Variants in TRRAP observed in about 807,000 individuals in gnomAD.
The protein encoded by TRRAP is transformation/transcription domain-associated protein.
TRRAP carries 41 observed loss-of-function variants against 438.8 expected under a neutral mutation model. The ratio of observed to expected loss-of-function variants is 0.09; its 90% CI spans 0.07 to 0.12. TRRAP has a LOEUF of 0.12. Ranked by LOEUF, TRRAP falls within the 10% of genes least tolerant of loss-of-function variation. The pLI is 1.00. For synonymous variants in TRRAP, 1,994 were observed against 1,962.9 expected, an observed-to-expected ratio of 1.02 and a Z score of -0.42; for missense variants, 3,122 against 5,055.1, an observed-to-expected ratio of 0.62 and a Z score of 11.60.
intron 33 of TRRAP, among the ~76,000 whole-genome samples, chr7:98,946,178 G>A (rs1554416761): frequency 6.6e-6 from 1 of 152,194 alleles, no homozygotes; most frequent in African/African-American, 2.4e-5. Context: ...TTAAGTTCGT[G>A]TGAGAATTGC....
intron 26 of TRRAP, among the ~76,000 whole-genome samples, chr7:98,932,871 C>T (rs1451241604): frequency 2.6e-5 from 4 of 152,112 alleles, no homozygotes; most frequent in African/African-American, 9.7e-5. Context: ...CTAGCTCTAC[C>T]GTTGTGCCTG....
chr7:98,895,735 C>T (rs1554405628), intron 6 of TRRAP, 29 bp from the exon 7 acceptor site: 1 of 1,566,226 alleles, frequency 6.4e-7, no homozygotes, highest in Non-Finnish European at 8.7e-7. Flanking sequence ...TGAATATCTT[C>T]CTATAACGAA....
At chr7:98,981,600 A>T (rs1792921168) in intron 58 of TRRAP, among the ~76,000 whole-genome samples, 169 bp from the exon 59 acceptor site, 1 of 152,214 alleles carries the variant, frequency 6.6e-6, no homozygotes, top group South Asian at 2.1e-4. Flanking sequence ...TCCAGAAAAG[A>T]CTGTGTAAAC....
At chr7:98,971,033 G>A (rs946101402) in intron 52 of TRRAP, among the ~76,000 whole-genome samples, 11 of 152,170 alleles carry the variant, frequency 7.2e-5, no homozygotes, top group African/African-American at 9.7e-5. Flanking sequence ...GGAGCGTTGC[G>A]TCTTAGGAGA....
chr7:98,910,492 A>G lies in TRRAP; in HGVS notation c.1715-18A>G, dbSNP rs782001637. On this transcript the variant is annotated intron_variant, in intron 15 of 72. Coordinates refer to ENST00000456197, the MANE Select transcript of TRRAP (RefSeq NM_001375524.1). The stretch of plus-strand genomic sequence containing the variant: ...TGAGTTTTATTCAAGTTAACTTAAT[A>G]TACTTTCTCTTTTCCAGAAGCTCAG... 1 of 1,613,976 alleles carries G rather than the reference A, an allele frequency of 6.2e-7. No homozygotes were observed. Among genetic ancestry groups the G allele is most frequent in the South Asian group, 1.1e-5 (1 of 91,066 alleles).
chr7:98,998,110 T>C (rs1274828917), intron 67 of TRRAP, among the ~76,000 whole-genome samples: 1 of 152,152 alleles, frequency 6.6e-6, no homozygotes, highest in Non-Finnish European at 1.5e-5. Context: ...CGTAAGGCTT[T>C]TCTACCCACC....
intron 2 of TRRAP, among the ~76,000 whole-genome samples, 188 bp downstream of exon 2, chr7:98,881,438 G>A (rs923967522): frequency 1.3e-5 from 2 of 152,036 alleles, no homozygotes; most frequent in Admixed American, 1.3e-4. Context: ...CAGGTGTGGT[G>A]GCTCACGCCT....
At chr7:98,880,259 G>GTGGTT (rs1795359889) in intron 1 of TRRAP, among the ~76,000 whole-genome samples, 1 of 33,504 alleles carries the variant, frequency 3.0e-5, no homozygotes, top group Non-Finnish European at 9.4e-5. Flanking sequence ...TGTTGTTGTT[G>GTGGTT]TTGTTTTTTT....
intron 21 of TRRAP, among the ~76,000 whole-genome samples, chr7:98,924,604 G>A (rs1378974628): frequency 3.3e-5 from 5 of 150,818 alleles, no homozygotes; most frequent in East Asian, 1.9e-4. Flanking sequence ...CAGGAGAATG[G>A]CGTGAACCCG....
rs760579047 is a variant in TRRAP, at chr7:98,966,108, C to T, written c.7176+213C>T. On this transcript the variant is annotated intron_variant, in intron 49 of 72. Transcript: ENST00000456197. The stretch of plus-strand genomic sequence containing the variant: ...GATCACAAGGTCAGGAGATTGAGAC[C>T]GTCCTGGCTAACACGGTGAAACCCC... 1.6e-4 allele frequency among the ~76,000 whole-genome samples: 25 copies of T among 152,150 alleles called. 1 individual carries two copies. The highest frequency in any genetic ancestry group is 4.2e-4 in the South Asian group (2 of 4,818).
chr7:98,930,420 TAA>T (rs1554412578), intron 24 of TRRAP, among the ~76,000 whole-genome samples: 3 of 151,660 alleles, frequency 2.0e-5, no homozygotes, highest in Admixed American at 2.0e-4. Context: ...CTACTAAAAA[TAA>T]AAAAAATTAG....
At chr7:98,912,383 C>G (rs1554408925) in intron 18 of TRRAP, among the ~76,000 whole-genome samples, 170 bp downstream of exon 18, 2 of 23,232 alleles carry the variant, frequency 8.6e-5, no homozygotes, top group African/African-American at 3.6e-4. Flanking sequence ...GTGAGTGTGC[C>G]TGGCTTTTTT....
Position 98,937,638 on chromosome 7 carries a change from C to A in TRRAP, c.4234-12C>A. The A allele has an allele frequency of 6.3e-7, 1 of 1,588,354 alleles. No individual in the cohort carries two copies. The highest frequency in any genetic ancestry group is 8.5e-7 in the Non-Finnish European group (1 of 1,170,328). Reference sequence around the variant, plus strand: ...TTGTCTATTTTTCTTTACAACTTTTCTTTTTTAATAGTTTTTAGAAGGTGC... The same window carrying A: ...TTGTCTATTTTTCTTTACAACTTTTATTTTTTAATAGTTTTTAGAAGGTGC... On this transcript the variant is annotated splice_polypyrimidine_tract_variant and intron_variant, in intron 29 of 72. Coordinates refer to ENST00000456197, the MANE Select transcript of TRRAP (RefSeq NM_001375524.1).
At position 98,900,694 on chromosome 7, in the gene TRRAP, T is replaced by C. The variant is rs1554406532; in HGVS notation, c.871T>C (p.Leu291=). ...TGCTCAGATTAAAACATTGTCATTT[T>C]TAGCTTACATTATCAGGATTTACCA... ...IAAQIKTLSF[L]AYIIRIYQEL... The change falls in exon 11 of 73, where the codon TTA becomes CTA. Residue 291 remains leucine, a synonymous_variant. Transcript: ENST00000456197. 6.2e-7 allele frequency: 1 copy of C among 1,613,636 alleles called. No homozygotes were observed. The highest frequency in any genetic ancestry group is 1.7e-5 in the Admixed American group (1 of 59,962).
At chr7:98,978,002 C>T (rs1339284188) in intron 56 of TRRAP, among the ~76,000 whole-genome samples, 6 of 152,206 alleles carry the variant, frequency 3.9e-5, no homozygotes, top group Admixed American at 1.3e-4. Context: ...TGTTTCTTAG[C>T]CAGGTGCAGG....
At position 98,967,660 on chromosome 7, in the gene TRRAP, G is replaced by A. The variant is rs1792216023; in HGVS notation, c.7474G>A (p.Ala2492Thr). The change falls in exon 51 of 73, where the codon GCC becomes ACC. Residue 2492 changes from alanine (A) to threonine (T), a missense_variant. By Grantham distance (58) the Ala-to-Thr change is moderately conservative. Coordinates refer to ENST00000456197, the MANE Select transcript of TRRAP (RefSeq NM_001375524.1). ...LYVTCSQNWE[A>T]MGNHFWIKQC... ...TGTGACCTGTTCGCAGAACTGGGAA[G>A]CCATGGGGAACCACTTCTGGATCAA... The A allele has an allele frequency of 1.9e-6, 3 of 1,613,916 alleles. No homozygotes were observed. Among genetic ancestry groups the A allele is most frequent in the South Asian group, 2.2e-5 (2 of 91,094 alleles).
Position 98,976,684 on chromosome 7 carries a change from G to T in TRRAP, c.8161G>T (p.Ala2721Ser). 6.2e-7 allele frequency: 1 copy of T among 1,614,150 alleles called. No individual in the cohort carries two copies. Among genetic ancestry groups the T allele is most frequent in the South Asian group, 1.1e-5 (1 of 91,078 alleles). The change falls in exon 55 of 73, where the codon GCT (alanine) becomes TCT (serine). Residue 2721 changes from alanine (A) to serine (S), a missense_variant. Coordinates refer to ENST00000456197, the MANE Select transcript of TRRAP (RefSeq NM_001375524.1). This position sits in a 1 kb window ranked among gnomAD's most constrained non-coding sequence, Gnocchi z 4.6. ...GTCCACGCTGATGTTGGAGCACCAG[G>T]CTTTTGAAAAGGGTCTGAGTCTTCA... ...FRSTLMLEHQ[A>S]FEKGLSLQIK... is the part of the protein sequence containing the mutation.
intron 3 of TRRAP, among the ~76,000 whole-genome samples, chr7:98,886,707 G>A (rs1795732796): frequency 2.0e-5 from 3 of 152,070 alleles, no homozygotes; most frequent in Non-Finnish European, 2.9e-5. Context: ...ATGTTTAAAT[G>A]AAGTGAGTGA....
Position 99,011,329 on chromosome 7 carries a change from T to C in TRRAP, c.11143-12T>C. 1.9e-6 allele frequency: 3 copies of C among 1,613,362 alleles called. No individual in the cohort carries two copies. Among genetic ancestry groups the C allele is most frequent in the Non-Finnish European group, 2.5e-6 (3 of 1,179,320 alleles). ...TGCTGAAGTTCCTAAAGTGTCTCCT[T>C]CTGAAATTTAGGACACTGGCAAACT... On this transcript the variant is annotated splice_polypyrimidine_tract_variant and intron_variant, in intron 71 of 72. Coordinates refer to ENST00000456197, the MANE Select transcript of TRRAP (RefSeq NM_001375524.1). The surrounding 1 kb of genome is among the most constrained non-coding windows in gnomAD (Gnocchi z 7.1).
Sources: allele counts gnomAD v4.1 joint callset (sites outside exome capture counted in the v4.1 genomes callset), GRCh38; gene constraint gnomAD v4.1.1; non-coding constraint Gnocchi (gnomAD v3.1); transcripts MANE v1.5; gene names NCBI Gene and HGNC (gene_info 2026-07-23, HGNC 2026-07-21).